DCLK1: variants seen among roughly 807,000 people sequenced by gnomAD.
DCLK1 encodes doublecortin like kinase 1, also known as serine/threonine-protein kinase DCLK1.
In DCLK1, 16 loss-of-function variants were observed where a neutral mutation model predicts 86.2. That is an observed-to-expected ratio of 0.19 (90% confidence interval 0.13 to 0.28). DCLK1 has a LOEUF of 0.28. DCLK1 is among the 10% of genes least tolerant of loss of function. DCLK1 has a pLI of 1.00. For synonymous variants in DCLK1, 369 were observed against 370.5 expected (o/e 1.00, Z 0.05); for missense variants, 590 against 940.2 (o/e 0.63, Z 4.87).
chr13:35,919,712 G>A (rs185430890), intron 4 of DCLK1, among the ~76,000 whole-genome samples: 1 of 152,094 alleles, frequency 6.6e-6, no homozygotes, highest in Non-Finnish European at 1.5e-5. Flanking sequence ...TATAATTCCA[G>A]CACTTTAGGA....
At chr13:36,036,560 A>G (rs1399714809) in intron 3 of DCLK1, among the ~76,000 whole-genome samples, 1 of 151,834 alleles carries the variant, frequency 6.6e-6, no homozygotes, top group Admixed American at 6.6e-5. Context: ...AATCACAATG[A>G]CTCCTTATAT....
chr13:35,953,018 T>C (rs1237980676), intron 3 of DCLK1, among the ~76,000 whole-genome samples: 1 of 152,240 alleles, frequency 6.6e-6, no homozygotes, highest in Non-Finnish European at 1.5e-5. Context: ...TTGGTTCTAA[T>C]ATGCTTTATC....
intron 3 of DCLK1, among the ~76,000 whole-genome samples, chr13:36,006,482 T>A (rs1393774557): frequency 6.6e-6 from 1 of 152,226 alleles, no homozygotes; most frequent in Non-Finnish European, 1.5e-5. Context: ...ATGTTTACAT[T>A]TATATTTTAG....
chr13:36,043,400 A>C (rs752167820), intron 3 of DCLK1, among the ~76,000 whole-genome samples: 34 of 152,170 alleles, frequency 2.2e-4, no homozygotes, highest in Admixed American at 1.4e-3. Context: ...AGAAAATATG[A>C]CAAACTTTAA....
At chr13:36,068,119 T>A (rs1353772229) in intron 3 of DCLK1, among the ~76,000 whole-genome samples, 1 of 152,210 alleles carries the variant, frequency 6.6e-6, no homozygotes, top group Non-Finnish European at 1.5e-5. Flanking sequence ...TTTCCAGCAT[T>A]TTATATTGTG....
At chr13:35,856,689 T>C (rs747559943) in intron 5 of DCLK1, among the ~76,000 whole-genome samples, 2 of 152,228 alleles carry the variant, frequency 1.3e-5, no homozygotes, top group Non-Finnish European at 2.9e-5. Flanking sequence ...GTATCCATTG[T>C]ATGTGTATTT....
chr13:36,006,219 T>G (rs1593810049), intron 3 of DCLK1, among the ~76,000 whole-genome samples: 1 of 151,946 alleles, frequency 6.6e-6, no homozygotes, highest in East Asian at 1.9e-4. Context: ...TTTAGGGAAA[T>G]CATGCACAAA....
At chr13:35,932,208 T>A (rs1287791717) in intron 4 of DCLK1, among the ~76,000 whole-genome samples, 1 of 152,174 alleles carries the variant, frequency 6.6e-6, no homozygotes, top group Non-Finnish European at 1.5e-5. Context: ...TCTGTCTCAC[T>A]GCTTGAGCTG....
chr13:35,958,398 AC>A (rs1878260198), intron 3 of DCLK1, among the ~76,000 whole-genome samples: 1 of 144,886 alleles, frequency 6.9e-6, no homozygotes, highest in African/African-American at 2.5e-5. Context: ...CACCAGCACC[AC>A]TACTATAACC....
At chr13:35,958,228 T>C (rs1593768578) in intron 3 of DCLK1, among the ~76,000 whole-genome samples, 7 of 144,726 alleles carry the variant, frequency 4.8e-5, no homozygotes, top group African/African-American at 8.2e-5. Context: ...ACCACCACTA[T>C]AACCACCATC....
At position 36,013,171 on chromosome 13, in the gene DCLK1, GA is replaced by G. The variant is rs1881359962; in HGVS notation, c.724-65715del. 7.4e-5 allele frequency among the ~76,000 whole-genome samples: 11 copies of G among 148,826 alleles called. No homozygotes were observed. The South Asian group carries it at 2.4e-3, about 32-fold the overall frequency. ...TTTTCAACTTCTTTGCCTTTGGTTT[GA>G]ATGTCCTCCCGTAGCTCAGAGTAAT... On this transcript the variant is annotated intron_variant, in intron 3 of 16. Coordinates refer to ENST00000360631, the MANE Select transcript of DCLK1 (RefSeq NM_001330071.2).
chr13:35,853,279 T>A (rs1324582590), intron 6 of DCLK1, among the ~76,000 whole-genome samples: 1 of 152,208 alleles, frequency 6.6e-6, no homozygotes, highest in African/African-American at 2.4e-5. Context: ...TTGTTTTGTT[T>A]TGTGTTTCCA....
chr13:36,105,940 G>T (rs966961485), intron 3 of DCLK1, among the ~76,000 whole-genome samples: 3 of 152,148 alleles, frequency 2.0e-5, no homozygotes, highest in African/African-American at 7.2e-5. Context: ...TGTCATAGAA[G>T]CAAGAGAACT....
chr13:36,052,443 G>A (rs1376775506), intron 3 of DCLK1, among the ~76,000 whole-genome samples: 4 of 152,108 alleles, frequency 2.6e-5, no homozygotes, highest in African/African-American at 7.2e-5. Context: ...AGGTAGCAAA[G>A]AGCCTCAAAA....
intron 6 of DCLK1, chr13:35,849,529 T>C (rs1230075499): frequency 2.0e-6 from 2 of 980,208 alleles, no homozygotes; most frequent in African/African-American, 3.5e-5. Flanking sequence ...TTAAATACAA[T>C]AGACCATACA....
intron 2 of DCLK1, among the ~76,000 whole-genome samples, chr13:36,119,586 A>G (rs957483188): frequency 2.0e-5 from 3 of 152,178 alleles, no homozygotes; most frequent in Admixed American, 6.5e-5. Flanking sequence ...TATCAACATC[A>G]TGTACCCCCT....
At chr13:35,788,880 C>A (rs1191501064) in intron 16 of DCLK1, among the ~76,000 whole-genome samples, 1 of 151,992 alleles carries the variant, frequency 6.6e-6, no homozygotes, top group Non-Finnish European at 1.5e-5. Flanking sequence ...AATTACATTT[C>A]TAAACTAAGA....
intron 4 of DCLK1, among the ~76,000 whole-genome samples, chr13:35,912,240 A>C (rs1292133617): frequency 1.3e-5 from 2 of 152,176 alleles, no homozygotes; most frequent in African/African-American, 2.4e-5. Flanking sequence ...CAGAAATTGT[A>C]GGCAGACAGG....
At chr13:35,805,966 T>C (rs2087018949) in intron 14 of DCLK1, among the ~76,000 whole-genome samples, 187 bp from the exon 15 acceptor site, 1 of 152,234 alleles carries the variant, frequency 6.6e-6, no homozygotes, top group Non-Finnish European at 1.5e-5. Context: ...GCACTTGGAA[T>C]TGTAAATACA....
Sources: gnomAD v4.1 joint callset for allele counts (sites outside exome capture counted in the v4.1 genomes callset) on GRCh38, gnomAD v4.1.1 for gene constraint, MANE v1.5 for transcripts, NCBI Gene and HGNC (gene_info 2026-07-23, HGNC 2026-07-21) for gene names.